ROBO2: variants seen among roughly 807,000 people sequenced by gnomAD.
ROBO2 encodes roundabout homolog 2.
ROBO2 carries 53 observed loss-of-function variants against 160.8 expected under a neutral mutation model. The ratio of observed to expected loss-of-function variants is 0.33; its 90% CI spans 0.26 to 0.41. ROBO2 has a LOEUF of 0.41. ROBO2 is among the 10% of genes least tolerant of loss of function. The probability of loss-of-function intolerance (pLI) is 1.00; values close to 1 mark genes in which losing one functional copy is unlikely to be tolerated. For synonymous variants in ROBO2, 664 were observed against 611.7 expected, an observed-to-expected ratio of 1.09 and a Z score of -1.26; for missense variants, 1,577 against 1,722.4, an observed-to-expected ratio of 0.92 and a Z score of 1.49.
intron 2 of ROBO2, among the ~76,000 whole-genome samples, chr3:77,124,069 A>G (rs1282772740): frequency 6.6e-6 from 1 of 151,748 alleles, no homozygotes; most frequent in Non-Finnish European, 1.5e-5. Context: ...GCTTTCTTGC[A>G]ATAAAATCCT....
At chr3:75,950,155 G>T (rs942045939) in intron 2 of ROBO2, among the ~76,000 whole-genome samples, 2 of 151,994 alleles carry the variant, frequency 1.3e-5, no homozygotes, top group Non-Finnish European at 2.9e-5. Context: ...CCTAAAATTG[G>T]TGGTACCCTT....
At chr3:77,428,836 C>G (rs2153539639) in intron 2 of ROBO2, among the ~76,000 whole-genome samples, 1 of 152,072 alleles carries the variant, frequency 6.6e-6, no homozygotes, top group Non-Finnish European at 1.5e-5. Flanking sequence ...TGTATGTATC[C>G]ATGAAATCAA....
intron 2 of ROBO2, among the ~76,000 whole-genome samples, chr3:76,984,466 A>G (rs545072643): frequency 6.6e-6 from 1 of 152,310 alleles, no homozygotes; most frequent in South Asian, 2.1e-4. Context: ...CACTGAGCCT[A>G]TTGTTCTCCA....
intron 2 of ROBO2, among the ~76,000 whole-genome samples, chr3:77,464,918 A>G (rs2082616312): frequency 6.6e-6 from 1 of 152,222 alleles, no homozygotes; most frequent in Non-Finnish European, 1.5e-5. Context: ...TGTCAAGGGC[A>G]GTATTAAACA....
chr3:77,144,547 A>G (rs920799530), intron 2 of ROBO2, among the ~76,000 whole-genome samples: 2 of 152,228 alleles, frequency 1.3e-5, no homozygotes, highest in African/African-American at 4.8e-5. Flanking sequence ...ATGCATAGGC[A>G]TATGTACATA....
intron 2 of ROBO2, among the ~76,000 whole-genome samples, chr3:77,200,338 T>C (rs572421278): frequency 1.5e-4 from 18 of 117,344 alleles, no homozygotes; most frequent in African/African-American, 5.2e-4. Flanking sequence ...TTTCTATAGG[T>C]AAAGGGAATA....
chr3:77,208,532 C>T (rs568535985), intron 2 of ROBO2, among the ~76,000 whole-genome samples: 26 of 152,226 alleles, frequency 1.7e-4, no homozygotes, highest in Admixed American at 2.0e-4. Flanking sequence ...TGACTCCTGA[C>T]CTGTTAAAAC....
intron 2 of ROBO2, among the ~76,000 whole-genome samples, chr3:76,256,193 C>T (rs1706349316): frequency 6.6e-6 from 1 of 151,678 alleles, no homozygotes; most frequent in South Asian, 2.1e-4. Flanking sequence ...ACTTGTAGTC[C>T]CAGCTGCTAG....
chr3:76,891,205 G>A (rs1449266739), intron 2 of ROBO2, among the ~76,000 whole-genome samples: 21 of 151,782 alleles, frequency 1.4e-4, no homozygotes, highest in Admixed American at 1.4e-3. Context: ...ATTTTGTTTA[G>A]AAGTTTGCAA....
At chr3:76,034,550 A>G (rs1028029409) in intron 2 of ROBO2, among the ~76,000 whole-genome samples, 1 of 152,256 alleles carries the variant, frequency 6.6e-6, no homozygotes, top group Non-Finnish European at 1.5e-5. Flanking sequence ...GAAATAATTA[A>G]TAACCCACAT....
At chr3:76,373,595 G>T (rs1409130398) in intron 2 of ROBO2, among the ~76,000 whole-genome samples, 1 of 151,968 alleles carries the variant, frequency 6.6e-6, no homozygotes, top group Non-Finnish European at 1.5e-5. Flanking sequence ...TTTGAAGCCA[G>T]CGACTATGAC....
At chr3:77,305,185 C>G (rs1286451095) in intron 2 of ROBO2, among the ~76,000 whole-genome samples, 1 of 152,154 alleles carries the variant, frequency 6.6e-6, no homozygotes, top group South Asian at 2.1e-4. Context: ...TGTTTTGTAA[C>G]ATTTGAAAAA....
At chr3:76,682,628 G>C (rs915841271) in intron 2 of ROBO2, among the ~76,000 whole-genome samples, 3 of 152,056 alleles carry the variant, frequency 2.0e-5, no homozygotes, top group Non-Finnish European at 4.4e-5. Context: ...GGCTGGTCTT[G>C]AACTCCTGAC....
chr3:76,310,593 A>C (rs2071532746), intron 2 of ROBO2, among the ~76,000 whole-genome samples: 1 of 152,220 alleles, frequency 6.6e-6, no homozygotes, highest in South Asian at 2.1e-4. Context: ...TCCCCTTTGA[A>C]TGTCACGAGG....
intron 2 of ROBO2, among the ~76,000 whole-genome samples, chr3:77,010,534 C>T (rs534373940): frequency 2.1e-4 from 32 of 152,214 alleles, no homozygotes; most frequent in Non-Finnish European, 4.3e-4. Context: ...GCTGATCAGA[C>T]GCTCCCAAAT....
intron 2 of ROBO2, among the ~76,000 whole-genome samples, chr3:77,437,093 C>A (rs1402548817): frequency 6.6e-6 from 1 of 151,998 alleles, no homozygotes; most frequent in African/African-American, 2.4e-5. Flanking sequence ...GCATAGTCCA[C>A]ATCTTCTGTT....
chr3:76,061,051 G>A (rs1228782177), intron 2 of ROBO2, among the ~76,000 whole-genome samples: 1 of 152,102 alleles, frequency 6.6e-6, no homozygotes, highest in African/African-American at 2.4e-5. Context: ...GGTACGATTT[G>A]CAGCCACCTG....
At chr3:76,457,601 G>C (rs1027421471) in intron 2 of ROBO2, among the ~76,000 whole-genome samples, 3 of 152,160 alleles carry the variant, frequency 2.0e-5, no homozygotes, top group African/African-American at 7.2e-5. Context: ...AGCTCCACTA[G>C]GCAGTGCCCC....
At chr3:77,425,221 G>C (rs979202554) in intron 2 of ROBO2, among the ~76,000 whole-genome samples, 2 of 151,234 alleles carry the variant, frequency 1.3e-5, no homozygotes, top group African/African-American at 2.4e-5. Flanking sequence ...AGACTTGAAT[G>C]GTCTTTGCTC....
Sources: gnomAD v4.1 joint callset for allele counts (sites outside exome capture counted in the v4.1 genomes callset) on GRCh38, gnomAD v4.1.1 for gene constraint, MANE v1.5 for transcripts, NCBI Gene and HGNC (gene_info 2026-07-23, HGNC 2026-07-21) for gene names.